Variants in CCDC149 observed in about 807,000 individuals in gnomAD.
CCDC149 encodes coiled-coil domain containing 149, also known as coiled-coil domain-containing protein 149.
Under a neutral mutation model 59.9 loss-of-function variants are expected in CCDC149, and 45 were observed. The observed-to-expected ratio is 0.75, with a 90% CI of 0.59 to 0.96. The LOEUF (loss-of-function observed/expected upper bound fraction) is 0.96, where lower values mean the gene tolerates loss of function less well. Ranked by LOEUF, CCDC149 falls within the 40% of genes least tolerant of loss-of-function variation. The pLI is 0.00. For missense variants in CCDC149, 584 were observed against 664.7 expected (o/e 0.88, Z 1.33); for synonymous variants, 245 against 260.6 (o/e 0.94, Z 0.58).
chr4:24,874,260 G>GTTT (rs1233579287), intron 2 of CCDC149, among the ~76,000 whole-genome samples: 8 of 33,840 alleles, frequency 2.4e-4, no homozygotes, highest in African/African-American at 6.2e-4. Context: ...TTTTTTTTTT[G>GTTT]TTTTGTTTTT....
intron 3 of CCDC149, among the ~76,000 whole-genome samples, chr4:24,862,345 G>A (rs1718436018): frequency 6.6e-6 from 1 of 152,172 alleles, no homozygotes; most frequent in Admixed American, 6.5e-5. Flanking sequence ...TCTGTCTGTG[G>A]TAACTTTGAG....
intron 1 of CCDC149, among the ~76,000 whole-genome samples, chr4:24,974,464 TC>T (rs1353833097): frequency 6.6e-6 from 1 of 152,208 alleles, no homozygotes; most frequent in African/African-American, 2.4e-5. Context: ...TGATGTCAAC[TC>T]CCAGCTCTGC....
At chr4:24,979,932 CT>C (rs1724400304) in intron 1 of CCDC149, 1 of 152,124 alleles carries the variant, frequency 6.6e-6, no homozygotes, top group African/African-American at 2.4e-5. Context: ...TAAAAGGCTT[CT>C]TTGATGCACA....
intron 1 of CCDC149, among the ~76,000 whole-genome samples, chr4:24,965,817 T>C (rs1049613595): frequency 1.3e-5 from 2 of 152,232 alleles, no homozygotes; most frequent in Non-Finnish European, 2.9e-5. Flanking sequence ...CGAAGCGGCC[T>C]TCTGACACAG....
chr4:24,832,763 T>A (rs1249536317), intron 8 of CCDC149, among the ~76,000 whole-genome samples: 1 of 152,240 alleles, frequency 6.6e-6, no homozygotes, highest in Non-Finnish European at 1.5e-5. Flanking sequence ...CCAAATTCCA[T>A]ACTTCTGCAA....
chr4:24,889,451 C>G (rs764520203), intron 1 of CCDC149, among the ~76,000 whole-genome samples: 1 of 152,180 alleles, frequency 6.6e-6, no homozygotes, highest in African/African-American at 2.4e-5. Flanking sequence ...GCTGCCGGTA[C>G]GCCTTGCAGT....
intron 1 of CCDC149, among the ~76,000 whole-genome samples, chr4:24,904,414 C>T (rs975434111): frequency 8.5e-5 from 13 of 152,242 alleles, no homozygotes; most frequent in African/African-American, 2.9e-4. Context: ...TAGCCCTGCT[C>T]CACAAGGAGC....
intron 1 of CCDC149, among the ~76,000 whole-genome samples, chr4:24,909,582 T>C (rs530471407): frequency 8.5e-5 from 13 of 152,306 alleles, no homozygotes; most frequent in East Asian, 1.9e-4. Context: ...CTGCTTGATA[T>C]GGTTTGGCTC....
chr4:24,955,488 T>C (rs187367600), intron 1 of CCDC149, among the ~76,000 whole-genome samples: 15 of 152,126 alleles, frequency 9.9e-5, no homozygotes, highest in Non-Finnish European at 2.1e-4. Flanking sequence ...AAAGAATGAG[T>C]TAGAAAAATG....
chr4:24,892,302 T>G (rs956129993), intron 1 of CCDC149, among the ~76,000 whole-genome samples: 3 of 152,168 alleles, frequency 2.0e-5, no homozygotes, highest in Admixed American at 2.0e-4. Context: ...AGGACTATGA[T>G]AGTACCTACT....
At chr4:24,818,995 T>C (rs531154900) in intron 12 of CCDC149, among the ~76,000 whole-genome samples, 2 of 152,192 alleles carry the variant, frequency 1.3e-5, no homozygotes, top group Non-Finnish European at 2.9e-5. Flanking sequence ...ATGAAGTTTG[T>C]TGGGAAGACA....
chr4:24,928,736 AC>A (rs1158382018), intron 1 of CCDC149, among the ~76,000 whole-genome samples: 22 of 152,174 alleles, frequency 1.4e-4, no homozygotes, highest in Admixed American at 1.3e-3. Flanking sequence ...TGTTACAGCA[AC>A]CCTAGGAAAC....
In CCDC149 at chr4:24,905,414, CGTGT is replaced by C. The variant is rs1163234474; in HGVS notation, c.63+7399_63+7402del. ...AGTCTTCTTTCTTTTTGCGTGCGTG[CGTGT>C]GTGTGTGTGTGTGTGTGTGTGTGTG... On this transcript the variant is annotated intron_variant, in intron 1 of 12. Transcript: ENST00000635206. 3.2e-3 allele frequency among the ~76,000 whole-genome samples: 250 copies of C among 78,686 alleles called. 2 individuals carry two copies. Among genetic ancestry groups the C allele is most frequent in the East Asian group, 0.012 (21 of 1,782 alleles). The allele number at this position is 78,686 out of a possible 152,430, so 51.6% of individuals were successfully genotyped here.
intron 3 of CCDC149, among the ~76,000 whole-genome samples, chr4:24,856,468 C>T (rs931559493): frequency 5.3e-5 from 8 of 152,254 alleles, no homozygotes; most frequent in East Asian, 1.9e-4. Flanking sequence ...AAGAAAGGGC[C>T]GCAGAAGGTT....
intron 1 of CCDC149, among the ~76,000 whole-genome samples, chr4:24,970,950 G>A (rs372025560): frequency 2.0e-4 from 30 of 152,280 alleles, no homozygotes; most frequent in African/African-American, 6.3e-4. Context: ...AATTACACCC[G>A]AGTGGCCCTC....
At chr4:24,848,429 C>T (rs956826376) in intron 4 of CCDC149, among the ~76,000 whole-genome samples, 6 of 151,986 alleles carry the variant, frequency 3.9e-5, no homozygotes, top group Admixed American at 3.3e-4. Flanking sequence ...ATTAGCTGGG[C>T]GTGGTGGCGC....
At chr4:24,890,090 A>G (rs1720441171) in intron 1 of CCDC149, among the ~76,000 whole-genome samples, 1 of 152,126 alleles carries the variant, frequency 6.6e-6, no homozygotes, top group South Asian at 2.1e-4. Context: ...AATAGAAGCA[A>G]TGCGGCACCT....
At chr4:24,915,812 C>T (rs937335220), upstream of CCDC149, among the ~76,000 whole-genome samples, 5 of 152,132 alleles carry the variant, frequency 3.3e-5, no homozygotes, top group African/African-American at 1.2e-4. Context: ...GCAAGCAATT[C>T]TTTTTTATCT....
intron 1 of CCDC149, among the ~76,000 whole-genome samples, chr4:24,909,609 T>C (rs936447741): frequency 1.3e-5 from 2 of 152,136 alleles, no homozygotes; most frequent in African/African-American, 4.8e-5. Flanking sequence ...CCCACTCAAA[T>C]CTCACCTTGA....
Sources: gnomAD v4.1 joint callset for allele counts (sites outside exome capture counted in the v4.1 genomes callset) on GRCh38, gnomAD v4.1.1 for gene constraint, MANE v1.5 for transcripts, NCBI Gene and HGNC (gene_info 2026-07-23, HGNC 2026-07-21) for gene names.